The following BLTP1 variants were observed in gnomAD, a reference collection of about 807,000 sequenced individuals.
The protein encoded by BLTP1 is bridge-like lipid transfer protein family member 1, also known as fragile site-associated protein.
chr4:122,176,886 T>C, the BLTP1 span, among the ~76,000 whole-genome samples: 1 of 152,240 alleles, frequency 6.6e-6, no homozygotes, highest in Admixed American at 6.5e-5. Flanking sequence ...TCACCTTTAC[T>C]TGCTGTAGTT....
the BLTP1 span, among the ~76,000 whole-genome samples, chr4:122,195,371 A>C: frequency 6.6e-6 from 1 of 152,122 alleles, no homozygotes; most frequent in Non-Finnish European, 1.5e-5. Context: ...CTGTTTTACA[A>C]TGAAACTTAA....
the BLTP1 span, among the ~76,000 whole-genome samples, chr4:122,168,946 T>TTTTA: frequency 9.9e-5 from 15 of 151,950 alleles, no homozygotes; most frequent in African/African-American, 3.6e-4. Context: ...CTCATTCAAT[T>TTTTA]TTTATTTATT....
the BLTP1 span, chr4:122,263,360 C>A: frequency 2.1e-6 from 3 of 1,446,410 alleles, no homozygotes; most frequent in Admixed American, 2.7e-5. Flanking sequence ...TAACTTGATT[C>A]TTCAAATATA....
the BLTP1 span, chr4:122,226,904 T>C: frequency 1.6e-6 from 2 of 1,240,408 alleles, no homozygotes; most frequent in Non-Finnish European, 2.2e-6. Context: ...TATTGAGATA[T>C]CAGCTTCAAG....
chr4:122,261,647 G>A, the BLTP1 span: 1 of 984,792 alleles, frequency 1.0e-6, no homozygotes, highest in East Asian at 1.1e-4. Context: ...ATAATTTAGT[G>A]TTAAGAATTT....
the BLTP1 span, among the ~76,000 whole-genome samples, chr4:122,181,063 G>A: frequency 2.0e-5 from 3 of 152,146 alleles, no homozygotes; most frequent in African/African-American, 7.2e-5. Context: ...TGCCTGTTAA[G>A]AGGCAACTGG....
At chr4:122,339,218 C>A in the BLTP1 span, 1 of 1,612,596 alleles carries the variant, frequency 6.2e-7, no homozygotes, top group Non-Finnish European at 8.5e-7. Context: ...CCTCACAGAT[C>A]AAATTTAGCT....
At chr4:122,354,824 G>A in the BLTP1 span, among the ~76,000 whole-genome samples, 4 of 151,634 alleles carry the variant, frequency 2.6e-5, no homozygotes, top group Admixed American at 6.6e-5. Flanking sequence ...GCGCCACCAC[G>A]CCCGGCTAAT....
At chr4:122,353,067 A>T in the BLTP1 span, 6 of 1,614,094 alleles carry the variant, frequency 3.7e-6, no homozygotes, top group Non-Finnish European at 5.1e-6. This position sits in a 1 kb window ranked among gnomAD's most constrained non-coding sequence, Gnocchi z 4.3. Flanking sequence ...TTCATGGTCC[A>T]AATTTTCGTT....
the BLTP1 span, chr4:122,272,455 C>T: frequency 4.9e-6 from 7 of 1,425,310 alleles, no homozygotes; most frequent in Non-Finnish European, 6.7e-6. Context: ...ATAATTAGTG[C>T]TACTTCTCTG....
At chr4:122,264,401 C>T in the BLTP1 span, 2 of 1,608,570 alleles carry the variant, frequency 1.2e-6, no homozygotes, top group Non-Finnish European at 1.7e-6. Context: ...CCAAGGGTTT[C>T]CTGCTGTTCA....
the BLTP1 span, chr4:122,167,764 C>T: frequency 8.1e-5 from 80 of 985,274 alleles, no homozygotes; most frequent in Middle Eastern, 5.2e-4. Flanking sequence ...AGCTCTAGGC[C>T]GCTGAGACTT....
the BLTP1 span, among the ~76,000 whole-genome samples, chr4:122,322,043 A>G: frequency 1.6e-5 from 1 of 63,138 alleles, no homozygotes; most frequent in Non-Finnish European, 2.9e-5. Context: ...GTGTTCTTTG[A>G]GCTTCCTCTA....
the BLTP1 span, among the ~76,000 whole-genome samples, chr4:122,348,118 G>T: frequency 6.6e-6 from 1 of 151,996 alleles, no homozygotes. Context: ...AAAATATAAT[G>T]AGCAAATGCA....
the BLTP1 span, among the ~76,000 whole-genome samples, chr4:122,231,302 C>G: frequency 6.6e-6 from 1 of 152,188 alleles, no homozygotes; most frequent in East Asian, 1.9e-4. Flanking sequence ...TGCACCATTG[C>G]TACCTTTTGA....
the BLTP1 span, chr4:122,316,677 A>AG: frequency 1.2e-5 from 19 of 1,574,542 alleles, no homozygotes; most frequent in East Asian, 4.1e-4. Flanking sequence ...GTGATAGTAT[A>AG]GATTTGCTGT....
chr4:122,271,348 C>G, the BLTP1 span: 1 of 1,613,894 alleles, frequency 6.2e-7, no homozygotes, highest in African/African-American at 1.3e-5. Context: ...CACCTACCTT[C>G]AAAACCAGAA....
the BLTP1 span, chr4:122,210,907 A>G: frequency 9.3e-6 from 15 of 1,613,270 alleles, no homozygotes; most frequent in East Asian, 2.2e-5. Context: ...GGAAGAGACA[A>G]TGCTATCTGT....
At chr4:122,231,913 A>T in the BLTP1 span, 1 of 775,566 alleles carries the variant, frequency 1.3e-6, no homozygotes, top group Non-Finnish European at 1.6e-6. Context: ...ATTGAGGAAG[A>T]TTTGACATAT....
Sources: gnomAD v4.1 joint callset for allele counts (sites outside exome capture counted in the v4.1 genomes callset) on GRCh38, gnomAD v4.1.1 for gene constraint, Gnocchi (gnomAD v3.1) non-coding constraint, MANE v1.5 for transcripts, NCBI Gene and HGNC (gene_info 2026-07-23, HGNC 2026-07-21) for gene names.